PRCC: variants seen among roughly 807,000 people sequenced by gnomAD.
PRCC encodes proline-rich protein PRCC.
In PRCC, 10 loss-of-function variants were observed where a neutral mutation model predicts 44.0. That is an observed-to-expected ratio of 0.23 (90% CI 0.14 to 0.39). PRCC has a LOEUF of 0.39. PRCC is among the 10% of genes least tolerant of loss of function. The pLI is 1.00. For missense variants in PRCC, 573 were observed against 624.7 expected, an observed-to-expected ratio of 0.92 and a Z score of 0.88; for synonymous variants, 278 against 259.5, an observed-to-expected ratio of 1.07 and a Z score of -0.69.
intron 4 of PRCC, among the ~76,000 whole-genome samples, chr1:156,792,181 A>G (rs1652509470): frequency 6.9e-6 from 1 of 144,842 alleles, no homozygotes; most frequent in Non-Finnish European, 1.5e-5. Context: ...GATTACAGGT[A>G]TGATTTACCA....
At chr1:156,795,773 A>C (rs976465170) in intron 5 of PRCC, 4 of 151,156 alleles carry the variant, frequency 2.6e-5, no homozygotes, top group Non-Finnish European at 4.4e-5. Context: ...CCCACACCAC[A>C]CTCCTGCCTT....
At chr1:156,794,899 T>C in intron 5 of PRCC, 91 bp downstream of exon 5, 2 of 1,510,624 alleles carry the variant, frequency 1.3e-6, no homozygotes, top group Non-Finnish European at 1.8e-6. Flanking sequence ...CACCCCATTG[T>C]TATTGTCACA....
chr1:156,780,974 C>T (rs1571581140), intron 1 of PRCC, among the ~76,000 whole-genome samples: 1 of 152,174 alleles, frequency 6.6e-6, no homozygotes, highest in East Asian at 1.9e-4. Context: ...GGTGATCTGC[C>T]TGTCTTGGCC....
intron 1 of PRCC, 76 bp downstream of exon 1, chr1:156,768,315 C>T (rs1009040316): frequency 3.4e-5 from 48 of 1,409,622 alleles, no homozygotes; most frequent in Non-Finnish European, 4.5e-5. Flanking sequence ...GTGGAGATTT[C>T]AGAACTCCTT....
intron 1 of PRCC, among the ~76,000 whole-genome samples, chr1:156,778,036 C>G (rs12760406): frequency 0.34 from 52,467 of 152,092 alleles, 10,501 homozygotes; most frequent in East Asian, 0.73. Context: ...ACTTCAAATG[C>G]TTATTTTTTT....
chr1:156,782,982 C>T (rs915451929), intron 2 of PRCC, among the ~76,000 whole-genome samples: 2 of 152,008 alleles, frequency 1.3e-5, no homozygotes, highest in Non-Finnish European at 2.9e-5. Context: ...CTTGGCTCAC[C>T]GCATCCTCCT....
chr1:156,774,425 G>A (rs1172220647), intron 1 of PRCC, among the ~76,000 whole-genome samples: 14 of 151,164 alleles, frequency 9.3e-5, no homozygotes, highest in Non-Finnish European at 1.3e-4. Context: ...CGCCCGTCTC[G>A]GGCTCCCAAA....
At chr1:156,789,976 T>G (rs1652418249) in intron 3 of PRCC, among the ~76,000 whole-genome samples, 1 of 152,210 alleles carries the variant, frequency 6.6e-6, no homozygotes, top group South Asian at 2.1e-4. Context: ...TCAGAGCTTC[T>G]CAAGATGTAG....
In PRCC at chr1:156,787,124, A is replaced by C. The variant is rs760945152; in HGVS notation, c.1033A>C (p.Asn345His). ...TAAGCCTGGGGACGACTACAGCTACAATCAGTTTTCCACATATGGCGATGC... is the reference window on the plus strand; with the variant it reads ...TAAGCCTGGGGACGACTACAGCTACCATCAGTTTTCCACATATGGCGATGC... ...MPKPGDDYSYNQFSTYGDANA... is the reference protein window; with the variant it reads ...MPKPGDDYSYHQFSTYGDANA... The change falls in exon 3 of 7, where the codon AAT becomes CAT. Residue 345 changes from asparagine (N) to histidine (H), a missense_variant. Asn to His is a moderately conservative substitution (Grantham distance 68). This residue lies in a region of PRCC where 141 missense variants were observed against 130.2 expected (regional missense o/e 1.08). Transcript: ENST00000271526. 7 of 1,613,444 alleles carry C rather than the reference A, an allele frequency of 4.3e-6. No homozygotes were observed. Among genetic ancestry groups the C allele is most frequent in the African/African-American group, 4.0e-5 (3 of 74,884 alleles).
intron 1 of PRCC, among the ~76,000 whole-genome samples, chr1:156,768,471 C>G (rs1207867276): frequency 6.6e-6 from 1 of 152,204 alleles, no homozygotes; most frequent in East Asian, 1.9e-4. Flanking sequence ...GGCCACATGT[C>G]ATCATCACCT....
At chr1:156,770,852 C>T (rs933380204) in intron 1 of PRCC, among the ~76,000 whole-genome samples, 1 of 152,234 alleles carries the variant, frequency 6.6e-6, no homozygotes, top group Non-Finnish European at 1.5e-5. Context: ...GTAATTAACT[C>T]TCAACCATTT....
chr1:156,780,035 G>A (rs1231452961), intron 1 of PRCC, among the ~76,000 whole-genome samples: 4 of 151,556 alleles, frequency 2.6e-5, no homozygotes, highest in Non-Finnish European at 2.9e-5. Context: ...GCACCACCAC[G>A]CCTGGCTAAC....
chr1:156,786,491 G>A, intron 2 of PRCC, 117 bp from the exon 3 acceptor site: 3 of 1,070,660 alleles, frequency 2.8e-6, no homozygotes, highest in Non-Finnish European at 2.7e-6. Context: ...AAGAAACAAG[G>A]GCTGGTAAGA....
At chr1:156,779,122 ATATATATTTTTTTTTTTTT>A (rs1302477995) in intron 1 of PRCC, among the ~76,000 whole-genome samples, 2 of 19,728 alleles carry the variant, frequency 1.0e-4, no homozygotes, top group Non-Finnish European at 1.7e-4. Flanking sequence ...ATATATATAT[ATATATATTTTTTTTTTTTT>A]TTTTTTTTTT....
chr1:156,777,758 CA>C (rs894078228), intron 1 of PRCC, among the ~76,000 whole-genome samples: 1 of 151,774 alleles, frequency 6.6e-6, no homozygotes, highest in African/African-American at 2.4e-5. Flanking sequence ...AGGTGAGAGT[CA>C]TCAGAGAGAC....
At chr1:156,776,107 A>G (rs748437512) in intron 1 of PRCC, among the ~76,000 whole-genome samples, 4 of 152,220 alleles carry the variant, frequency 2.6e-5, no homozygotes, top group Non-Finnish European at 4.4e-5. Context: ...TGCAATCCCA[A>G]CACTTTGGGA....
At chr1:156,771,908 T>C (rs1012575951) in intron 1 of PRCC, among the ~76,000 whole-genome samples, 2 of 151,952 alleles carry the variant, frequency 1.3e-5, no homozygotes. Flanking sequence ...CTGTTGGGGA[T>C]CTCTACACAG....
chr1:156,770,763 C>A (rs1036840790), intron 1 of PRCC, among the ~76,000 whole-genome samples: 1 of 152,224 alleles, frequency 6.6e-6, no homozygotes, highest in African/African-American at 2.4e-5. Flanking sequence ...TCTTAGTACG[C>A]ATTTGAAAGA....
chr1:156,792,810 G>C (rs1009108915), intron 4 of PRCC, among the ~76,000 whole-genome samples: 4 of 152,152 alleles, frequency 2.6e-5, no homozygotes, highest in Non-Finnish European at 4.4e-5. Context: ...TAGTTGTGTG[G>C]TAATATGCCT....
Sources: gnomAD v4.1 joint callset for allele counts (sites outside exome capture counted in the v4.1 genomes callset) on GRCh38, gnomAD v4.1.1 for gene constraint, gnomAD v4.1.1 regional missense constraint, MANE v1.5 for transcripts, NCBI Gene and HGNC (gene_info 2026-07-23, HGNC 2026-07-21) for gene names.